Variants in REDIC1 observed in about 807,000 individuals in gnomAD.
REDIC1 encodes regulator of DNA class I crossover intermediates 1.
the REDIC1 span, chr12:39,764,658 A>T: frequency 6.3e-7 from 1 of 1,581,974 alleles, no homozygotes; most frequent in South Asian, 1.2e-5. Flanking sequence ...GCATGTAAGA[A>T]ATTTGAAAAA....
chr12:39,699,049 A>T, the REDIC1 span, among the ~76,000 whole-genome samples: 4 of 152,264 alleles, frequency 2.6e-5, no homozygotes, highest in Non-Finnish European at 4.4e-5. Context: ...AATGAAAAAA[A>T]GTTGGTTTTT....
the REDIC1 span, among the ~76,000 whole-genome samples, chr12:39,705,471 G>A: frequency 6.6e-6 from 1 of 152,080 alleles, no homozygotes; most frequent in Non-Finnish European, 1.5e-5. Context: ...ACAAGGCAAT[G>A]TATTAACCTG....
the REDIC1 span, among the ~76,000 whole-genome samples, chr12:39,681,235 G>A: frequency 6.6e-6 from 1 of 152,124 alleles, no homozygotes; most frequent in African/African-American, 2.4e-5. Context: ...TTGCACTACT[G>A]CACTCCAGCC....
At chr12:39,721,002 G>A in the REDIC1 span, 6 of 1,613,772 alleles carry the variant, frequency 3.7e-6, no homozygotes, top group Middle Eastern at 1.7e-4. Context: ...CACAGTTGCA[G>A]TGCAATTCAG....
chr12:39,704,837 C>T, the REDIC1 span, among the ~76,000 whole-genome samples: 1 of 152,028 alleles, frequency 6.6e-6, no homozygotes, highest in Non-Finnish European at 1.5e-5. Flanking sequence ...AAACCAAACA[C>T]CGCATATTCT....
chr12:39,684,928 G>A, the REDIC1 span: 1 of 1,605,932 alleles, frequency 6.2e-7, no homozygotes, highest in East Asian at 2.2e-5. Flanking sequence ...ACTTGATGAG[G>A]TAAAGCACAG....
chr12:39,742,388 C>T, the REDIC1 span, among the ~76,000 whole-genome samples: 5 of 152,166 alleles, frequency 3.3e-5, no homozygotes, highest in African/African-American at 9.7e-5. Context: ...TGAACTCTAA[C>T]ATCTAACAAT....
At chr12:39,695,316 A>T in the REDIC1 span, among the ~76,000 whole-genome samples, 1 of 152,096 alleles carries the variant, frequency 6.6e-6, no homozygotes, top group Admixed American at 6.5e-5. Flanking sequence ...CAATTCCAGG[A>T]CTTGGCTCTT....
the REDIC1 span, among the ~76,000 whole-genome samples, chr12:39,877,353 G>T: frequency 6.6e-6 from 1 of 152,058 alleles, no homozygotes; most frequent in East Asian, 1.9e-4. Flanking sequence ...AAAACCATCA[G>T]ATCTCAAAAG....
the REDIC1 span, among the ~76,000 whole-genome samples, chr12:39,900,375 T>G: frequency 6.6e-6 from 1 of 152,092 alleles, no homozygotes; most frequent in African/African-American, 2.4e-5. Context: ...GGGGATTATA[T>G]TAGGAAAAGA....
chr12:39,711,916 CACAT>C, the REDIC1 span, among the ~76,000 whole-genome samples: 4 of 116,746 alleles, frequency 3.4e-5, no homozygotes, highest in South Asian at 2.6e-4. Flanking sequence ...CATGTATATA[CACAT>C]ACATGTCTAT....
At chr12:39,645,733 C>G in the REDIC1 span, among the ~76,000 whole-genome samples, 4 of 152,008 alleles carry the variant, frequency 2.6e-5, no homozygotes, top group Non-Finnish European at 5.9e-5. Flanking sequence ...TGGCTACTGC[C>G]AAATCAATTA....
chr12:39,751,418 A>T, the REDIC1 span, among the ~76,000 whole-genome samples: 825 of 152,312 alleles, frequency 5.4e-3, 5 homozygotes, highest in African/African-American at 0.018. Flanking sequence ...GCTGGAGAGG[A>T]TGTGGAGAAA....
the REDIC1 span, among the ~76,000 whole-genome samples, chr12:39,654,553 A>C: frequency 6.6e-6 from 1 of 151,324 alleles, no homozygotes; most frequent in Non-Finnish European, 1.5e-5. Flanking sequence ...GTGCCAGTGC[A>C]CTCCAGCCTG....
At chr12:39,772,760 C>T in the REDIC1 span, among the ~76,000 whole-genome samples, 1 of 152,146 alleles carries the variant, frequency 6.6e-6, no homozygotes, top group African/African-American at 2.4e-5. Context: ...TGATCTCCTG[C>T]TGTGGCAATG....
chr12:39,645,531 T>G, the REDIC1 span, among the ~76,000 whole-genome samples: 1 of 151,994 alleles, frequency 6.6e-6, no homozygotes, highest in South Asian at 2.1e-4. Flanking sequence ...AACATGGCCT[T>G]AAGAAACTAA....
chr12:39,871,649 T>C, the REDIC1 span: 1 of 675,366 alleles, frequency 1.5e-6, no homozygotes, highest in South Asian at 4.4e-5. Context: ...CTTTTTTTTT[T>C]CTTTTTTGGT....
chr12:39,858,204 T>C, the REDIC1 span, among the ~76,000 whole-genome samples: 3,060 of 152,338 alleles, frequency 0.02, 115 homozygotes, highest in African/African-American at 0.07. Flanking sequence ...GCAAAAGATA[T>C]GTGCAGTTAT....
chr12:39,684,893 A>T, the REDIC1 span: 4 of 1,612,448 alleles, frequency 2.5e-6, no homozygotes. Flanking sequence ...GAAGAATTGC[A>T]CTCTAAGCAG....
Sources: gnomAD v4.1 joint callset for allele counts (sites outside exome capture counted in the v4.1 genomes callset) on GRCh38, gnomAD v4.1.1 for gene constraint, MANE v1.5 for transcripts, NCBI Gene and HGNC (gene_info 2026-07-23, HGNC 2026-07-21) for gene names.